Variants in TMCC1 observed in about 807,000 individuals in gnomAD.
TMCC1 encodes the protein transmembrane and coiled-coil domains protein 1.
TMCC1 carries 15 observed loss-of-function variants against 52.4 expected under a neutral mutation model. The observed-to-expected ratio is 0.29, with a 90% CI of 0.19 to 0.44. TMCC1 has a LOEUF of 0.44. TMCC1 is among the 20% of genes least tolerant of loss of function. TMCC1 has a pLI of 1.00. For missense variants in TMCC1, 503 were observed against 806.0 expected (o/e 0.62, Z 4.55); for synonymous variants, 279 against 301.9 (o/e 0.92, Z 0.79).
chr3:129,875,780 G>A (rs1425927728), intron 2 of TMCC1, among the ~76,000 whole-genome samples: 1 of 152,076 alleles, frequency 6.6e-6, no homozygotes, highest in Non-Finnish European at 1.5e-5. Context: ...ACCCACTTTG[G>A]TTATTTACAT....
At chr3:129,794,576 C>T (rs976162280) in intron 4 of TMCC1, among the ~76,000 whole-genome samples, 4 of 152,104 alleles carry the variant, frequency 2.6e-5, no homozygotes, top group African/African-American at 9.7e-5. Context: ...GGGCAGTAAT[C>T]CTGAAGCCGC....
intron 4 of TMCC1, among the ~76,000 whole-genome samples, chr3:129,799,912 T>G (rs1329445403): frequency 6.6e-6 from 1 of 152,102 alleles, no homozygotes; most frequent in African/African-American, 2.4e-5. Flanking sequence ...CATAAACACA[T>G]TCACTGTTAT....
chr3:129,686,744 A>G (rs1477559029), intron 4 of TMCC1, among the ~76,000 whole-genome samples: 1 of 152,208 alleles, frequency 6.6e-6, no homozygotes, highest in Non-Finnish European at 1.5e-5. Flanking sequence ...AGGAAAATCT[A>G]TTTTAGTCTG....
intron 4 of TMCC1, among the ~76,000 whole-genome samples, chr3:129,799,654 C>CA (rs901156633): frequency 7.2e-5 from 11 of 151,770 alleles, no homozygotes; most frequent in South Asian, 6.3e-4. Context: ...ACTAAAAATA[C>CA]AAAAAAAATT....
chr3:129,653,019 G>A (rs1216118727), intron 6 of TMCC1, among the ~76,000 whole-genome samples: 2 of 152,082 alleles, frequency 1.3e-5, no homozygotes, highest in African/African-American at 4.8e-5. Context: ...TACAGGGTTT[G>A]GCTTTTCCAA....
chr3:129,718,869 C>G (rs1341612297), intron 4 of TMCC1, among the ~76,000 whole-genome samples: 2 of 152,008 alleles, frequency 1.3e-5, no homozygotes, highest in African/African-American at 2.4e-5. Context: ...TGATAAGGCT[C>G]TGGTCAGCAA....
At chr3:129,779,991 T>C (rs1471024447) in intron 4 of TMCC1, among the ~76,000 whole-genome samples, 1 of 152,128 alleles carries the variant, frequency 6.6e-6, no homozygotes, top group Middle Eastern at 3.2e-3. Flanking sequence ...AAGCTTTCAT[T>C]TGACTTTACT....
At chr3:129,885,811 C>T (rs370427977) in intron 1 of TMCC1, among the ~76,000 whole-genome samples, 7 of 149,864 alleles carry the variant, frequency 4.7e-5, no homozygotes, top group South Asian at 4.2e-4. Context: ...GGCGCAATCT[C>T]GGCTCACTGC....
intron 1 of TMCC1, among the ~76,000 whole-genome samples, chr3:129,887,519 C>A (rs111487890): frequency 7.0e-6 from 1 of 142,354 alleles, no homozygotes. Flanking sequence ...TCCAACCTGG[C>A]GACAGAGCAA....
intron 2 of TMCC1, among the ~76,000 whole-genome samples, chr3:129,872,517 A>ACC (rs1369510728): frequency 2.6e-5 from 4 of 152,234 alleles, no homozygotes. Flanking sequence ...TTCACGAAGC[A>ACC]CTGTTTAGGA....
At chr3:129,656,258 A>G (rs1271868809) in intron 5 of TMCC1, among the ~76,000 whole-genome samples, 2 of 152,240 alleles carry the variant, frequency 1.3e-5, no homozygotes, top group African/African-American at 4.8e-5. Flanking sequence ...AAGAATAAAC[A>G]TATGTCTAGC....
intron 4 of TMCC1, among the ~76,000 whole-genome samples, chr3:129,772,740 A>C (rs1480014295): frequency 1.5e-4 from 23 of 150,366 alleles, no homozygotes; most frequent in African/African-American, 4.7e-4. Context: ...AAAAAAAAAA[A>C]AAAACTGATT....
intron 1 of TMCC1, among the ~76,000 whole-genome samples, chr3:129,884,938 A>C (rs2108004976): frequency 6.6e-6 from 1 of 151,288 alleles, no homozygotes; most frequent in South Asian, 2.1e-4. Context: ...GCAGGATTCA[A>C]AACCAGCCTG....
At chr3:129,778,405 T>C (rs1461054872) in intron 4 of TMCC1, among the ~76,000 whole-genome samples, 4 of 152,226 alleles carry the variant, frequency 2.6e-5, no homozygotes, top group Non-Finnish European at 5.9e-5. Context: ...ATTTCACTGG[T>C]GCCTTTGTTC....
chr3:129,872,754 A>G (rs892913482), intron 2 of TMCC1, among the ~76,000 whole-genome samples: 1 of 152,070 alleles, frequency 6.6e-6, no homozygotes, highest in Non-Finnish European at 1.5e-5. Flanking sequence ...GAGCTACCAA[A>G]CTAGTGCTGA....
intron 4 of TMCC1, among the ~76,000 whole-genome samples, chr3:129,695,590 A>G (rs965885787): frequency 6.6e-6 from 1 of 152,162 alleles, no homozygotes; most frequent in Non-Finnish European, 1.5e-5. Flanking sequence ...TAAAACTATC[A>G]GATCTCATGA....
At chr3:129,817,724 T>C (rs1422325479) in intron 4 of TMCC1, among the ~76,000 whole-genome samples, 1 of 152,044 alleles carries the variant, frequency 6.6e-6, no homozygotes, top group Non-Finnish European at 1.5e-5. Context: ...CTCTGCTCAC[T>C]GCAACCTCCA....
intron 4 of TMCC1, among the ~76,000 whole-genome samples, chr3:129,741,170 GT>G (rs1425568099): frequency 1.3e-5 from 2 of 152,264 alleles, no homozygotes; most frequent in African/African-American, 4.8e-5. Context: ...TCACTGCTGT[GT>G]TGACTATGAC....
intron 4 of TMCC1, among the ~76,000 whole-genome samples, chr3:129,754,971 G>A (rs1363050488): frequency 6.6e-6 from 1 of 151,892 alleles, no homozygotes; most frequent in Admixed American, 6.6e-5. Context: ...CCAGCTACTC[G>A]GGAGGCTGAG....
Sources: allele counts gnomAD v4.1 joint callset (sites outside exome capture counted in the v4.1 genomes callset), GRCh38; gene constraint gnomAD v4.1.1; transcripts MANE v1.5; gene names NCBI Gene and HGNC (gene_info 2026-07-23, HGNC 2026-07-21).